Variants in TMEM182 observed in about 807,000 individuals in gnomAD.
The protein encoded by TMEM182 is transmembrane protein 182.
In TMEM182, 20 loss-of-function variants were observed where a neutral mutation model predicts 26.8. That is an observed-to-expected ratio of 0.75 (90% CI 0.53 to 1.09). The LOEUF is 1.09. Ranked by LOEUF, TMEM182 falls within the 50% of genes least tolerant of loss-of-function variation. TMEM182 has a pLI of 0.00. For synonymous variants in TMEM182, 109 were observed against 102.2 expected (o/e 1.07, Z -0.40); for missense variants, 277 against 275.5 (o/e 1.01, Z -0.04).
intron 3 of TMEM182, among the ~76,000 whole-genome samples, chr2:102,773,907 A>G (rs898852767): frequency 3.3e-5 from 5 of 152,236 alleles, no homozygotes; most frequent in Non-Finnish European, 5.9e-5. Flanking sequence ...AAACAAAACA[A>G]AATAAAACAC....
intron 3 of TMEM182, among the ~76,000 whole-genome samples, chr2:102,823,927 G>A (rs1331525050): frequency 6.6e-6 from 1 of 152,150 alleles, no homozygotes; most frequent in East Asian, 1.9e-4. Context: ...TAGAACATTG[G>A]ACTTGTTAAT....
chr2:102,816,300 G>A lies in TMEM182; in HGVS notation c.*1332G>A, dbSNP rs1573568855. On this transcript the variant is annotated 3_prime_UTR_variant, in exon 5 of 5. Transcript: ENST00000412401. ...GCTGTTGTGAGGACAGAGAGGCATG[G>A]CCCACAGGCAAAAAAAGTCACCACC... 2.0e-6 allele frequency: 2 copies of A among 985,214 alleles called. No individual in the cohort carries two copies. The highest frequency in any genetic ancestry group is 3.5e-5 in the African/African-American group (2 of 57,272). The allele number at this position is 985,214 out of a possible 1,614,324, so 61.0% of individuals were successfully genotyped here. A position where few individuals can be genotyped will look rare whatever the true frequency, so the allele number is the denominator to read the frequency against.
upstream of TMEM182, among the ~76,000 whole-genome samples, chr2:102,759,810 A>C (rs1275278495): frequency 6.6e-6 from 1 of 151,932 alleles, no homozygotes; most frequent in East Asian, 1.9e-4. Flanking sequence ...TTCTAGATGC[A>C]CTCTATATTC....
chr2:102,738,462 G>A (rs940457128), intron 1 of TMEM182, among the ~76,000 whole-genome samples: 1 of 152,074 alleles, frequency 6.6e-6, no homozygotes, highest in African/African-American at 2.4e-5. Context: ...GGGCGTGGTG[G>A]TGCGCGCCTG....
chr2:102,828,455 C>G (rs368004002), intron 3 of TMEM182, among the ~76,000 whole-genome samples: 1 of 152,116 alleles, frequency 6.6e-6, no homozygotes, highest in East Asian at 1.9e-4. Context: ...AGAGCAAGGT[C>G]GCCAGCTCAA....
In TMEM182 at chr2:102,816,484, C is replaced by T. The variant is rs186594943; in HGVS notation, c.*1516C>T. ...GAAAAATTGCAAAGGTCTGAATCTT[C>T]AGGGCATTTTCATGACAGGACTTGC... On this transcript the variant is annotated 3_prime_UTR_variant, in exon 5 of 5. Transcript: ENST00000412401. 4,793 of 983,632 alleles carry T rather than the reference C, an allele frequency of 4.9e-3. 14 individuals are homozygous for T. The highest frequency in any genetic ancestry group is 6.7e-3 in the South Asian group (142 of 21,188). 60.9% of individuals were successfully genotyped at this position (983,632 alleles called of 1,614,324 possible).
intron 4 of TMEM182, among the ~76,000 whole-genome samples, chr2:102,802,869 A>AT (rs2104738553): frequency 6.6e-6 from 1 of 152,288 alleles, no homozygotes; most frequent in Non-Finnish European, 1.5e-5. Flanking sequence ...AGCTAGAAAC[A>AT]TTTTTCTGCC....
intron 1 of TMEM182, among the ~76,000 whole-genome samples, chr2:102,756,797 T>G (rs1316149774): frequency 6.6e-6 from 1 of 150,848 alleles, no homozygotes; most frequent in Non-Finnish European, 1.5e-5. Flanking sequence ...CTCTTCTTAA[T>G]TAAGCACAAT....
chr2:102,763,316 A>G (rs898611314), intron 2 of TMEM182, among the ~76,000 whole-genome samples: 1 of 152,214 alleles, frequency 6.6e-6, no homozygotes, highest in African/African-American at 2.4e-5. Context: ...GCATTTGTTC[A>G]ACTCTATTCT....
Position 102,762,302 on chromosome 2 carries a change from T to C in TMEM182, c.85T>C (p.Tyr29His), listed in dbSNP as rs1244555253. The C allele has an allele frequency of 6.2e-7, 1 of 1,613,996 alleles. No homozygotes were observed. The highest frequency in any genetic ancestry group is 8.5e-7 in the Non-Finnish European group (1 of 1,179,940). ...CTTTTTGGTGGCTTTTGGATCGGAT[T>C]ATTGGCTTCTTGCAACTGAAGTGGG... The part of the protein sequence containing the change: ...LLFLVAFGSD[Y>H]WLLATEVGRC... The change falls in exon 1 of 5, where the codon TAT (tyrosine) becomes CAT (histidine). Residue 29 changes from tyrosine to histidine, a missense_variant. By Grantham distance (83) the Tyr-to-His change is moderately conservative. Coordinates refer to ENST00000412401, the MANE Select transcript of TMEM182 (RefSeq NM_144632.5).
intron 3 of TMEM182, among the ~76,000 whole-genome samples, chr2:102,789,137 T>C (rs1341185931): frequency 6.6e-6 from 1 of 152,188 alleles, no homozygotes; most frequent in African/African-American, 2.4e-5. Flanking sequence ...TGTTTTGGCT[T>C]CATTTGGAAC....
At chr2:102,836,250 A>G (rs992077299) in intron 3 of TMEM182, among the ~76,000 whole-genome samples, 4 of 152,210 alleles carry the variant, frequency 2.6e-5, no homozygotes, top group Non-Finnish European at 4.4e-5. Context: ...GGGTAAATAC[A>G]AAGATTATAA....
At chr2:102,787,364 T>C (rs183763999) in intron 3 of TMEM182, among the ~76,000 whole-genome samples, 12 of 152,344 alleles carry the variant, frequency 7.9e-5, no homozygotes, top group African/African-American at 2.6e-4. Flanking sequence ...GTACTCTTGC[T>C]GGCAGAAAGA....
At chr2:102,812,274 A>G (rs1385551139) in intron 4 of TMEM182, among the ~76,000 whole-genome samples, 1 of 152,054 alleles carries the variant, frequency 6.6e-6, no homozygotes, top group Non-Finnish European at 1.5e-5. Flanking sequence ...CACATGTCTC[A>G]TGCAGGCTGC....
chr2:102,834,862 T>C (rs966367688), intron 3 of TMEM182, among the ~76,000 whole-genome samples: 5 of 152,236 alleles, frequency 3.3e-5, no homozygotes, highest in African/African-American at 1.2e-4. Context: ...ACCTTAGGAA[T>C]AAAATATTCC....
At chr2:102,802,143 T>G (rs1372769794) in intron 4 of TMEM182, among the ~76,000 whole-genome samples, 1 of 152,196 alleles carries the variant, frequency 6.6e-6, no homozygotes, top group African/African-American at 2.4e-5. Flanking sequence ...TCTGTATTTT[T>G]GGGCAGATGG....
intron 4 of TMEM182, among the ~76,000 whole-genome samples, chr2:102,812,672 T>G (rs1682596879): frequency 6.6e-6 from 1 of 152,238 alleles, no homozygotes; most frequent in Non-Finnish European, 1.5e-5. Context: ...GATGGGTTTT[T>G]CAATTTTTGA....
intron 4 of TMEM182, among the ~76,000 whole-genome samples, chr2:102,804,060 G>A (rs1682256385): frequency 1.3e-5 from 2 of 152,240 alleles, no homozygotes; most frequent in Admixed American, 1.3e-4. Flanking sequence ...CAAGCGCAGG[G>A]AACTCCCTGG....
chr2:102,836,434 C>T (rs1165169394), intron 3 of TMEM182, among the ~76,000 whole-genome samples: 5 of 152,092 alleles, frequency 3.3e-5, no homozygotes, highest in Admixed American at 1.3e-4. Context: ...CATTGTAATA[C>T]GTATATAATG....
Sources: allele counts gnomAD v4.1 joint callset (sites outside exome capture counted in the v4.1 genomes callset), GRCh38; gene constraint gnomAD v4.1.1; transcripts MANE v1.5; gene names NCBI Gene and HGNC (gene_info 2026-07-23, HGNC 2026-07-21).